Variants in SYNE1 observed in about 807,000 individuals in gnomAD.
SYNE1 encodes nesprin-1.
Under a neutral mutation model 1,111.0 loss-of-function variants are expected in SYNE1, and 616 were observed. That is an observed-to-expected ratio of 0.55 (90% CI 0.52 to 0.59). The LOEUF (loss-of-function observed/expected upper bound fraction) is 0.59. Among genes scored for constraint, SYNE1 ranks in the 20% least tolerant of loss-of-function variants. The pLI is 0.00. For synonymous variants in SYNE1, 3,855 were observed against 3,825.8 expected (o/e 1.01, Z -0.28); for missense variants, 10,006 against 10,417.0 (o/e 0.96, Z 1.72).
chr6:152,182,134 C>T (rs1027259119), intron 128 of SYNE1, among the ~76,000 whole-genome samples: 4 of 152,180 alleles, frequency 2.6e-5, no homozygotes, highest in Admixed American at 2.0e-4. Context: ...GTTTCTTATA[C>T]ATTATATATA....
At chr6:152,606,863 C>T (rs905899301) in intron 3 of SYNE1, among the ~76,000 whole-genome samples, 3 of 151,262 alleles carry the variant, frequency 2.0e-5, no homozygotes, top group African/African-American at 7.3e-5. Context: ...ACCATGTTAG[C>T]CAGGATGGTC....
chr6:152,243,235 T>C (rs2086218655), intron 106 of SYNE1, among the ~76,000 whole-genome samples: 1 of 152,198 alleles, frequency 6.6e-6, no homozygotes, highest in Non-Finnish European at 1.5e-5. Flanking sequence ...TTCAGAGCAA[T>C]TGAATATAAT....
intron 53 of SYNE1, 137 bp downstream of exon 53, chr6:152,390,143 C>T (rs944610200): frequency 1.2e-5 from 11 of 915,880 alleles, no homozygotes; most frequent in Non-Finnish European, 1.7e-5. Context: ...GAAAACACAA[C>T]TTAGACAAAG....
At chr6:152,628,908 G>A (rs539648825) in intron 2 of SYNE1, among the ~76,000 whole-genome samples, 1 of 152,224 alleles carries the variant, frequency 6.6e-6, no homozygotes, top group South Asian at 2.1e-4. Flanking sequence ...CAATATGCAC[G>A]GGTTCTCTAG....
Position 152,458,843 on chromosome 6 carries a change from A to C in SYNE1, c.2482T>G (p.Tyr828Asp). ...EELEKQMTSFYDSLGKINEII... is the reference protein window; with the variant it reads ...EELEKQMTSFDDSLGKINEII... ...TCATTGATTTTCCCAAGTGAGTCAT[A>C]AAAGGACGTCATCTGCTTTTCTAAT... The change falls in exon 22 of 146, where the codon TAT becomes GAT. Residue 828 changes from tyrosine (Y) to aspartate (D), a missense_variant. Coordinates refer to ENST00000367255, the MANE Select transcript of SYNE1 (RefSeq NM_182961.4). The C allele has an allele frequency of 3.1e-6, 5 of 1,614,082 alleles. No individual in the cohort carries two copies. Among genetic ancestry groups the C allele is most frequent in the Non-Finnish European group, 4.2e-6 (5 of 1,179,980 alleles).
chr6:152,323,878 C>T lies in SYNE1; in HGVS notation c.15658-141G>A, dbSNP rs115103851. Reference sequence around the variant, plus strand: ...ATTCCACATGTTAGGAAACTGGAACCTGAGCAACCTTCTTAACATGAAAGG... The same window carrying T: ...ATTCCACATGTTAGGAAACTGGAACTTGAGCAACCTTCTTAACATGAAAGG... On this transcript the variant is annotated intron_variant, in intron 81 of 145. Transcript: ENST00000367255. 5.0e-3 allele frequency: 4,654 copies of T among 922,218 alleles called. 130 individuals carry two copies. In the African/African-American group the frequency reaches 0.066, roughly 13 times the overall value. 57.1% of individuals were successfully genotyped at this position (922,218 alleles called of 1,614,324 possible). A position where few individuals can be genotyped will look rare whatever the true frequency, so the allele number is the denominator to read the frequency against.
intron 55 of SYNE1, among the ~76,000 whole-genome samples, chr6:152,384,521 C>G (rs1456912560): frequency 6.6e-6 from 1 of 152,178 alleles, no homozygotes; most frequent in Non-Finnish European, 1.5e-5. Context: ...GTGATTATCT[C>G]AGTTAAAACA....
chr6:152,404,455 G>T, intron 45 of SYNE1, 141 bp from the exon 46 acceptor site: 2 of 662,560 alleles, frequency 3.0e-6, no homozygotes, highest in Non-Finnish European at 5.4e-6. Flanking sequence ...ATTTTTCTGA[G>T]GGCTGTTATG....
intron 121 of SYNE1, 98 bp downstream of exon 121, chr6:152,218,159 T>G (rs1563611294): frequency 3.3e-5 from 47 of 1,445,900 alleles, no homozygotes; most frequent in Non-Finnish European, 4.4e-5. Context: ...ACCACGGCAC[T>G]CCAGCTTGGG....
intron 129 of SYNE1, 61 bp downstream of exon 129, chr6:152,180,075 T>C (rs1375986425): frequency 2.5e-6 from 4 of 1,572,692 alleles, no homozygotes; most frequent in African/African-American, 1.3e-5. Context: ...CTTCTGTACC[T>C]GTGAAAAGTA....
At chr6:152,397,640 G>C (rs1264124601) in intron 49 of SYNE1, among the ~76,000 whole-genome samples, 3 of 152,036 alleles carry the variant, frequency 2.0e-5, no homozygotes, top group African/African-American at 7.2e-5. Flanking sequence ...CTAATCTAAT[G>C]AATTTTCAAC....
At chr6:152,174,183 A>G (rs2065854293) in intron 130 of SYNE1, among the ~76,000 whole-genome samples, 1 of 152,196 alleles carries the variant, frequency 6.6e-6, no homozygotes, top group Non-Finnish European at 1.5e-5. Context: ...TCAATCTATG[A>G]GTCAAATTTG....
chr6:152,439,456 T>C (rs2098507556), intron 32 of SYNE1, among the ~76,000 whole-genome samples: 1 of 152,180 alleles, frequency 6.6e-6, no homozygotes, highest in Non-Finnish European at 1.5e-5. Context: ...TCTCAACTCG[T>C]GGCCTCAAGC....
chr6:152,496,511 A>C (rs981689157), intron 11 of SYNE1, among the ~76,000 whole-genome samples: 2 of 152,060 alleles, frequency 1.3e-5, no homozygotes, highest in African/African-American at 4.8e-5. Context: ...CTCAATTCAC[A>C]CAAAACCACA....
At chr6:152,549,547 C>T (rs1018367208) in intron 3 of SYNE1, among the ~76,000 whole-genome samples, 5 of 152,144 alleles carry the variant, frequency 3.3e-5, no homozygotes, top group Non-Finnish European at 5.9e-5. Context: ...GTCTCCTAGG[C>T]CTTTCCTGTT....
At chr6:152,234,094 A>T in intron 111 of SYNE1, 131 bp from the exon 112 acceptor site, 1 of 990,888 alleles carries the variant, frequency 1.0e-6, no homozygotes, top group Non-Finnish European at 1.5e-6. Context: ...ACTCAAAAGA[A>T]AATGAAAGCA....
chr6:152,562,034 A>G (rs1409971286), intron 3 of SYNE1, among the ~76,000 whole-genome samples: 2 of 152,184 alleles, frequency 1.3e-5, no homozygotes, highest in Non-Finnish European at 2.9e-5. Context: ...TTATAAGCAC[A>G]GCCAACAAAG....
At chr6:152,635,237 A>T (rs1017536311) in intron 2 of SYNE1, among the ~76,000 whole-genome samples, 2 of 152,264 alleles carry the variant, frequency 1.3e-5, no homozygotes, top group South Asian at 4.1e-4. Flanking sequence ...TGTGAAAATC[A>T]TTAGTTCAGA....
intron 55 of SYNE1, among the ~76,000 whole-genome samples, chr6:152,382,476 T>C (rs1011462145): frequency 5.3e-5 from 8 of 152,170 alleles, no homozygotes; most frequent in African/African-American, 1.7e-4. Context: ...CATAATTATA[T>C]ACAATAGAGC....
Sources: gnomAD v4.1 joint callset for allele counts (sites outside exome capture counted in the v4.1 genomes callset) on GRCh38, gnomAD v4.1.1 for gene constraint, MANE v1.5 for transcripts, NCBI Gene and HGNC (gene_info 2026-07-23, HGNC 2026-07-21) for gene names.